The following UTP20 variants were observed in gnomAD, a reference collection of about 807,000 sequenced individuals.
UTP20 encodes the protein small subunit processome component 20 homolog.
Under a neutral mutation model 329.5 loss-of-function variants are expected in UTP20, and 164 were observed. The ratio of observed to expected loss-of-function variants is 0.50; its 90% CI spans 0.44 to 0.57. The LOEUF is 0.57. UTP20 is among the 20% of genes least tolerant of loss of function. The pLI is 0.00. For synonymous variants in UTP20, 1,151 were observed against 1,159.3 expected (o/e 0.99, Z 0.14); for missense variants, 3,055 against 3,284.2 (o/e 0.93, Z 1.71).
At chr12:101,315,988 C>T (rs201007966) in intron 21 of UTP20, among the ~76,000 whole-genome samples, 2 of 152,146 alleles carry the variant, frequency 1.3e-5, no homozygotes, top group Admixed American at 6.5e-5. Context: ...TTCTAAGGAA[C>T]GTTTAATACT....
intron 45 of UTP20, 119 bp from the exon 46 acceptor site, chr12:101,365,340 T>C: frequency 1.5e-6 from 1 of 675,292 alleles, no homozygotes. Context: ...GAATGCTTTT[T>C]AATTAGGAGA....
chr12:101,377,360 C>T (rs1405509655), intron 56 of UTP20, among the ~76,000 whole-genome samples: 1 of 151,938 alleles, frequency 6.6e-6, no homozygotes, highest in Non-Finnish European at 1.5e-5. Flanking sequence ...GAGATGGAGT[C>T]TCACTCTGTC....
chr12:101,357,429 T>A (rs948086711), intron 43 of UTP20, among the ~76,000 whole-genome samples: 2 of 152,088 alleles, frequency 1.3e-5, no homozygotes, highest in Non-Finnish European at 2.9e-5. Flanking sequence ...TACACATCTG[T>A]TTAAGAGTTG....
chr12:101,315,893 G>C (rs534583729), intron 21 of UTP20, among the ~76,000 whole-genome samples: 7 of 152,304 alleles, frequency 4.6e-5, no homozygotes, highest in South Asian at 4.1e-4. Context: ...GGTACAAGAT[G>C]CTGTGGGGTA....
At chr12:101,304,450 G>A (rs1014654740) in intron 15 of UTP20, among the ~76,000 whole-genome samples, 1 of 152,236 alleles carries the variant, frequency 6.6e-6, no homozygotes, top group Non-Finnish European at 1.5e-5. Context: ...CATGATGTGT[G>A]GGTACTGTTA....
chr12:101,349,971 T>C (rs1869461966), intron 38 of UTP20, among the ~76,000 whole-genome samples: 1 of 152,144 alleles, frequency 6.6e-6, no homozygotes, highest in Non-Finnish European at 1.5e-5. Flanking sequence ...CATTGTCTAA[T>C]CTGCTGTAAA....
chr12:101,320,813 A>G, intron 23 of UTP20, 39 bp from the exon 24 acceptor site: 2 of 1,552,508 alleles, frequency 1.3e-6, no homozygotes, highest in Non-Finnish European at 1.8e-6. Context: ...TGGTATATGT[A>G]TATATGACTT....
intron 12 of UTP20, among the ~76,000 whole-genome samples, chr12:101,299,369 C>T (rs989806582): frequency 2.6e-5 from 4 of 152,182 alleles, no homozygotes; most frequent in African/African-American, 9.7e-5. Context: ...GAAGTCAGTT[C>T]ATTCCAGTGA....
chr12:101,306,064 A>G lies in UTP20; in HGVS notation c.1931A>G (p.Lys644Arg). The change falls in exon 16 of 62, where the codon AAG becomes AGG. Residue 644 changes from lysine (K) to arginine (R), a missense_variant and splice_region_variant. By Grantham distance (26) the Lys-to-Arg change is conservative. Coordinates refer to ENST00000261637, the MANE Select transcript of UTP20 (RefSeq NM_014503.3). ...GCAAACATTTCAACTGGTGTATCCAAGGTAATGGTGTTTTGTGGTAGTGTG... is the reference window on the plus strand; with the variant it reads ...GCAAACATTTCAACTGGTGTATCCAGGGTAATGGTGTTTTGTGGTAGTGTG... ...LQANISTGVS[K>R]IRLLTIRILN... 3 of 1,610,600 alleles carry G rather than the reference A, an allele frequency of 1.9e-6. No individual in the cohort carries two copies. The highest frequency in any genetic ancestry group is 2.5e-6 in the Non-Finnish European group (3 of 1,177,972).
chr12:101,294,647 A>G (rs2137237644), intron 11 of UTP20, among the ~76,000 whole-genome samples: 1 of 149,230 alleles, frequency 6.7e-6, no homozygotes, highest in Non-Finnish European at 1.5e-5. Flanking sequence ...GGTTCAAGTG[A>G]TTCTCCTGCT....
chr12:101,321,565 AT>A lies in UTP20; in HGVS notation c.2980del (p.Ser994GlnfsTer6). The A allele has an allele frequency of 1.9e-6, 3 of 1,613,748 alleles. No individual in the cohort carries two copies. The highest frequency in any genetic ancestry group is 2.5e-6 in the Non-Finnish European group (3 of 1,179,810). On this transcript the variant is annotated frameshift_variant, in exon 25 of 62. Transcript: ENST00000261637. LOFTEE classifies it high-confidence loss of function. ...SFKEEIVHFS[I>X]SEDNAVVKTA... ...TAAGGAAGAGATAGTGCATTTTAGC[AT>A]TTCAGAAGATAATGCTGTAGTGAAA...
At chr12:101,285,507 T>G (rs1871931127) in intron 2 of UTP20, 63 bp from the exon 3 acceptor site, 1 of 1,508,292 alleles carries the variant, frequency 6.6e-7, no homozygotes, top group Non-Finnish European at 9.2e-7. Context: ...ATCATTATTC[T>G]ATTTACCTTG....
chr12:101,295,753 C>T, intron 12 of UTP20, 95 bp downstream of exon 12: 5 of 1,298,132 alleles, frequency 3.9e-6, no homozygotes, highest in South Asian at 3.3e-5. Context: ...CTATATGTAA[C>T]AGGAAAGATG....
chr12:101,373,978 G>A (rs1870386896), intron 54 of UTP20, among the ~76,000 whole-genome samples: 1 of 152,226 alleles, frequency 6.6e-6, no homozygotes, highest in South Asian at 2.1e-4. Context: ...GCTCACGCCT[G>A]TAATCCCAGC....
chr12:101,302,955 T>C (rs1228449212), intron 15 of UTP20, among the ~76,000 whole-genome samples: 1 of 152,246 alleles, frequency 6.6e-6, no homozygotes, highest in Non-Finnish European at 1.5e-5. Context: ...GTCTTTTTAC[T>C]ACACACTGAA....
At chr12:101,373,983 C>A (rs1274959985) in intron 54 of UTP20, among the ~76,000 whole-genome samples, 2 of 152,140 alleles carry the variant, frequency 1.3e-5, no homozygotes, top group Non-Finnish European at 2.9e-5. Context: ...CGCCTGTAAT[C>A]CCAGCACTTT....
At chr12:101,322,880 A>G (rs893759398) in intron 25 of UTP20, among the ~76,000 whole-genome samples, 2 of 152,258 alleles carry the variant, frequency 1.3e-5, no homozygotes, top group East Asian at 1.9e-4. Flanking sequence ...AAAAATAGAA[A>G]GCAGAAATCA....
At chr12:101,330,573 A>C (rs1315664237) in intron 27 of UTP20, among the ~76,000 whole-genome samples, 3 of 152,226 alleles carry the variant, frequency 2.0e-5, no homozygotes, top group African/African-American at 7.2e-5. Flanking sequence ...AGCAGAAAAG[A>C]GGTCTTAGAA....
chr12:101,324,423 G>T (rs1383014288), intron 25 of UTP20, among the ~76,000 whole-genome samples: 4 of 151,848 alleles, frequency 2.6e-5, no homozygotes, highest in African/African-American at 9.7e-5. Flanking sequence ...TTTTTTTGTA[G>T]AGACGGAGTT....
Sources: gnomAD v4.1 joint callset for allele counts (sites outside exome capture counted in the v4.1 genomes callset) on GRCh38, gnomAD v4.1.1 for gene constraint, MANE v1.5 for transcripts, NCBI Gene and HGNC (gene_info 2026-07-23, HGNC 2026-07-21) for gene names.